PIK3C2G: variants seen among roughly 807,000 people sequenced by gnomAD.
The protein encoded by PIK3C2G is phosphatidylinositol-4-phosphate 3-kinase catalytic subunit type 2 gamma.
In PIK3C2G, 168 loss-of-function variants were observed where a neutral mutation model predicts 181.1. That is an observed-to-expected ratio of 0.93 (90% CI 0.82 to 1.05). The LOEUF (loss-of-function observed/expected upper bound fraction) is 1.05. PIK3C2G is among the 50% of genes least tolerant of loss of function. PIK3C2G has a pLI of 0.00. For missense variants in PIK3C2G, 1,869 were observed against 1,732.8 expected (o/e 1.08, Z -1.40); for synonymous variants, 573 against 592.2 (o/e 0.97, Z 0.47).
intron 18 of PIK3C2G, among the ~76,000 whole-genome samples, chr12:18,424,285 G>C (rs1464442098): frequency 2.0e-5 from 3 of 152,110 alleles, no homozygotes; most frequent in East Asian, 1.9e-4. Flanking sequence ...TTTCAAATCT[G>C]AATGATGCCT....
chr12:18,452,755 GGTACA>G (rs1947431955), intron 18 of PIK3C2G, among the ~76,000 whole-genome samples: 1 of 152,034 alleles, frequency 6.6e-6, no homozygotes, highest in African/African-American at 2.4e-5. Context: ...CAGAGATTCT[GGTACA>G]TTGTGCCTTT....
At chr12:18,540,059 A>T (rs1944069051) in intron 25 of PIK3C2G, among the ~76,000 whole-genome samples, 1 of 151,846 alleles carries the variant, frequency 6.6e-6, no homozygotes, top group South Asian at 2.1e-4. Context: ...CATTTAAATA[A>T]TAAATATCCA....
At chr12:18,366,533 AAAAT>A (rs1360932847) in intron 12 of PIK3C2G, among the ~76,000 whole-genome samples, 2 of 152,198 alleles carry the variant, frequency 1.3e-5, no homozygotes, top group South Asian at 2.1e-4. Flanking sequence ...CTGTCTCAAA[AAAAT>A]AAATAAATAA....
intron 18 of PIK3C2G, among the ~76,000 whole-genome samples, chr12:18,464,766 T>C (rs1937672932): frequency 6.6e-6 from 1 of 152,090 alleles, no homozygotes; most frequent in Non-Finnish European, 1.5e-5. Context: ...TGTTTTTGTT[T>C]GTAAATTCTA....
At chr12:18,664,224 A>G in the PIK3C2G span, among the ~76,000 whole-genome samples, 5 of 152,218 alleles carry the variant, frequency 3.3e-5, no homozygotes, top group Non-Finnish European at 5.9e-5. Context: ...TGGTTCCTCA[A>G]AAACTTAAAC....
intron 11 of PIK3C2G, among the ~76,000 whole-genome samples, chr12:18,354,765 A>G (rs1456448219): frequency 6.6e-6 from 1 of 152,200 alleles, no homozygotes; most frequent in African/African-American, 2.4e-5. Context: ...TAAACTGGTG[A>G]TGGTGGAGAC....
rs143492456 is a variant in PIK3C2G, at chr12:18,438,402, G to C, written c.2504+14363G>C. On this transcript the variant is annotated intron_variant, in intron 18 of 32. Transcript: ENST00000538779. ...TAGACTCCAGTGTGGCTCTGACTGAGAGAGTGTTGCTAAGAATTCTAATCA... is the reference window on the plus strand; with the variant it reads ...TAGACTCCAGTGTGGCTCTGACTGACAGAGTGTTGCTAAGAATTCTAATCA... Among the ~76,000 whole-genome samples, 577 of 151,968 alleles carry C rather than the reference G, an allele frequency of 3.8e-3. 3 individuals carry two copies. The highest frequency in any genetic ancestry group is 0.013 in the African/African-American group (534 of 41,530).
chr12:18,314,202 T>C (rs1466745656), intron 6 of PIK3C2G, 138 bp downstream of exon 6: 2 of 586,252 alleles, frequency 3.4e-6, no homozygotes, highest in African/African-American at 1.9e-5. Flanking sequence ...CATTGAAACA[T>C]GATGAAATAT....
intron 32 of PIK3C2G, among the ~76,000 whole-genome samples, chr12:18,643,412 G>C (rs561386952): frequency 1.3e-5 from 2 of 152,016 alleles, no homozygotes; most frequent in African/African-American, 4.8e-5. Context: ...ATTTGAAGTA[G>C]TGTGTGTATA....
chr12:18,540,051 T>C lies in PIK3C2G; in HGVS notation c.3480+1739T>C, dbSNP rs111767102. Among the ~76,000 whole-genome samples the C allele has an allele frequency of 7.1e-4, 108 of 151,898 alleles. 1 individual carries two copies. Among genetic ancestry groups the C allele is most frequent in the African/African-American group, 2.0e-3 (82 of 41,484 alleles). On this transcript the variant is annotated intron_variant, in intron 25 of 32. Coordinates refer to ENST00000538779, the MANE Select transcript of PIK3C2G (RefSeq NM_001288772.2). The stretch of plus-strand genomic sequence containing the variant: ...GATTAAGTCTGTGATTCTGACCCCA[T>C]TTAAATAATAAATATCCAGGTAGTA...
At chr12:18,404,546 A>G (rs1944416668) in intron 16 of PIK3C2G, among the ~76,000 whole-genome samples, 1 of 152,224 alleles carries the variant, frequency 6.6e-6, no homozygotes, top group African/African-American at 2.4e-5. Context: ...AAAGTTCACA[A>G]AGAAATTGGA....
At chr12:18,550,460 C>T (rs891880651) in intron 26 of PIK3C2G, among the ~76,000 whole-genome samples, 3 of 151,682 alleles carry the variant, frequency 2.0e-5, no homozygotes, top group Non-Finnish European at 2.9e-5. Flanking sequence ...TGCTGTGTTC[C>T]CTGATATCAC....
intron 13 of PIK3C2G, chr12:18,372,817 T>C (rs1025957637): frequency 6.6e-6 from 1 of 152,184 alleles, no homozygotes; most frequent in African/African-American, 2.4e-5. Context: ...CACCTCCATG[T>C]TGTTTTGTCA....
the PIK3C2G span, among the ~76,000 whole-genome samples, chr12:18,716,516 T>G: frequency 1.3e-5 from 2 of 152,192 alleles, no homozygotes; most frequent in Non-Finnish European, 2.9e-5. Context: ...CTATTTAACT[T>G]TGAGCCTTTT....
At chr12:18,415,704 A>G (rs1455374457) in intron 16 of PIK3C2G, among the ~76,000 whole-genome samples, 2 of 152,252 alleles carry the variant, frequency 1.3e-5, no homozygotes, top group African/African-American at 4.8e-5. Context: ...AATGCAAAGG[A>G]AAAGTTCTTG....
intron 5 of PIK3C2G, among the ~76,000 whole-genome samples, chr12:18,307,149 T>C (rs1201551360): frequency 6.7e-6 from 1 of 150,118 alleles, no homozygotes; most frequent in Admixed American, 6.7e-5. Context: ...TCTCTCTTTA[T>C]ATAAACATAT....
chr12:18,696,314 A>C, the PIK3C2G span: 1 of 540,514 alleles, frequency 1.9e-6, no homozygotes, highest in African/African-American at 2.5e-5. Context: ...AATAAATTTA[A>C]AAAGCCACTA....
chr12:18,693,689 A>G, the PIK3C2G span: 10 of 1,566,314 alleles, frequency 6.4e-6, no homozygotes, highest in South Asian at 1.1e-4. Flanking sequence ...TGAGAGAGAA[A>G]TTCAGCGAAC....
chr12:18,273,291 G>A lies in PIK3C2G; in HGVS notation c.-78-8713G>A, dbSNP rs540263328. On this transcript the variant is annotated intron_variant, in intron 1 of 32. Coordinates refer to ENST00000538779, the MANE Select transcript of PIK3C2G (RefSeq NM_001288772.2). ...AACGATCACATAGTTGTAGATATACGGCATTATTTCTGAGGGCTCTGTTCT... is the reference window on the plus strand; with the variant it reads ...AACGATCACATAGTTGTAGATATACAGCATTATTTCTGAGGGCTCTGTTCT... Among the ~76,000 whole-genome samples the A allele has an allele frequency of 5.3e-5, 8 of 152,120 alleles. No individual in the cohort carries two copies. The South Asian group carries it at 8.3e-4, about 16-fold the overall frequency.
Sources: allele counts gnomAD v4.1 joint callset (sites outside exome capture counted in the v4.1 genomes callset), GRCh38; gene constraint gnomAD v4.1.1; transcripts MANE v1.5; gene names NCBI Gene and HGNC (gene_info 2026-07-23, HGNC 2026-07-21).